Variants in MTRR observed in about 807,000 individuals in gnomAD.
MTRR encodes the protein 5-methyltetrahydrofolate-homocysteine methyltransferase reductase.
A neutral mutation model predicts 79.2 loss-of-function variants in MTRR; 63 were observed. The ratio of observed to expected loss-of-function variants is 0.80; its 90% CI spans 0.65 to 0.98. The LOEUF (loss-of-function observed/expected upper bound fraction) is 0.98, where lower values mean the gene tolerates loss of function less well. Ranked by LOEUF, MTRR falls within the 50% of genes least tolerant of loss-of-function variation. The pLI is 0.00. For synonymous variants in MTRR, 355 were observed against 313.3 expected (o/e 1.13, Z -1.41); for missense variants, 895 against 839.6 (o/e 1.07, Z -0.82).
chr5:7,888,960 C>A, intron 8 of MTRR, 135 bp from the exon 9 acceptor site: 1 of 933,604 alleles, frequency 1.1e-6, no homozygotes. Flanking sequence ...TTCCCTCCTC[C>A]TGACAATAGC....
chr5:7,872,076 T>TA (rs1748085094), intron 2 of MTRR, among the ~76,000 whole-genome samples: 1 of 152,216 alleles, frequency 6.6e-6, no homozygotes, highest in African/African-American at 2.4e-5. Context: ...TAGCTGTTCA[T>TA]AATCTAATAT....
intron 9 of MTRR, 113 bp downstream of exon 9, chr5:7,889,388 C>A: frequency 4.5e-6 from 5 of 1,103,960 alleles, no homozygotes; most frequent in East Asian, 2.5e-5. Flanking sequence ...GTATCCTATG[C>A]CTAAAGAATA....
In MTRR at chr5:7,900,021, A is replaced by C; in HGVS notation, c.2060A>C (p.Lys687Thr). ...LEAMKTLATL[K>T]EEKRYLQDIW... ...GCAATGAAAACCCTGGCCACTTTAA[A>C]AGAAGAAAAACGCTACCTTCAGGAT... The change falls in exon 15 of 15, where the codon AAA (lysine) becomes ACA (threonine). Residue 687 changes from lysine (K) to threonine (T), a missense_variant. Physicochemically the swap from Lys to Thr is moderately conservative, Grantham distance 78. Transcript: ENST00000440940. 6.2e-7 allele frequency: 1 copy of C among 1,614,006 alleles called. No homozygotes were observed. The highest frequency in any genetic ancestry group is 8.5e-7 in the Non-Finnish European group (1 of 1,180,002).
At chr5:7,855,330 AG>A (rs1553995680) in intron 1 of MTRR, among the ~76,000 whole-genome samples, 3 of 150,756 alleles carry the variant, frequency 2.0e-5, no homozygotes, top group African/African-American at 7.5e-5. Context: ...AGATAAAAAA[AG>A]AAAAAAAGCT....
Position 7,897,045 on chromosome 5 carries a change from C to CAT in MTRR, c.1770-19_1770-18dup, listed in dbSNP as rs761948942. ...TCAGCTTGACAACCTTTTAGTGATCCATTATATATTATATTTCAGAAAAGA... is the reference window on the plus strand; with the variant it reads ...TCAGCTTGACAACCTTTTAGTGATCCATATTATATATTATATTTCAGAAAAGA... On this transcript the variant is annotated intron_variant, in intron 13 of 14. Coordinates refer to ENST00000440940, the MANE Select transcript of MTRR (RefSeq NM_002454.3). 1 of 1,612,900 alleles carries CAT rather than the reference C, an allele frequency of 6.2e-7. No homozygotes were observed. The highest frequency in any genetic ancestry group is 8.5e-7 in the Non-Finnish European group (1 of 1,179,070).
intron 1 of MTRR, chr5:7,856,941 T>G (rs1746264274): frequency 6.6e-6 from 1 of 151,748 alleles, no homozygotes; most frequent in South Asian, 2.1e-4. Flanking sequence ...ACCACACTCT[T>G]CCACAGCTCC....
upstream of MTRR, chr5:7,867,318 T>C (rs757470278): frequency 6.2e-7 from 1 of 1,613,948 alleles, no homozygotes; most frequent in East Asian, 2.2e-5. Flanking sequence ...AGGGCCACAA[T>C]ATCCTCCGGG....
Position 7,892,791 on chromosome 5 carries a change from G to A in MTRR, c.1435G>A (p.Ala479Thr), listed in dbSNP as rs1243592502. ...CAACATTGTGGAATTTCTGTCTACT[G>A]CCACAACAGAGGTTCTGCGGAAGGG... ...VFNIVEFLST[A>T]TTEVLRKGVC... Residue 479 changes from alanine (A) to threonine (T), a missense_variant, in exon 11 of 15, where the codon GCC (alanine) becomes ACC (threonine). Transcript: ENST00000440940. The A allele has an allele frequency of 4.3e-6, 7 of 1,614,052 alleles. No individual in the cohort carries two copies. Among genetic ancestry groups the A allele is most frequent in the Admixed American group, 1.7e-5 (1 of 60,002 alleles).
chr5:7,885,982 A>G, intron 7 of MTRR, 128 bp downstream of exon 7: 2 of 1,261,750 alleles, frequency 1.6e-6, no homozygotes, highest in Middle Eastern at 2.2e-4. Context: ...TCAGCTGCGC[A>G]TCAAGGTCTG....
intron 6 of MTRR, among the ~76,000 whole-genome samples, chr5:7,883,772 A>G (rs1049771025): frequency 2.0e-5 from 3 of 152,196 alleles, no homozygotes; most frequent in African/African-American, 7.2e-5. Flanking sequence ...TGAGAGGAAG[A>G]TGCTGGCTTA....
rs1279143782 is a variant in MTRR at position 7,872,799 on chromosome 5, G to A, written c.130-574G>A. Among the ~76,000 whole-genome samples, 4 of 151,978 alleles carry A rather than the reference G, an allele frequency of 2.6e-5. No individual in the cohort carries two copies. The East Asian group carries it at 7.7e-4, about 29-fold the overall frequency. On this transcript the variant is annotated intron_variant, in intron 2 of 14. Transcript: ENST00000440940. ...TTATGTATCAGTTCTCTTTATTTCT[G>A]AGTCTCCCCATCCCCATTTTAACAC... is the stretch of plus-strand genomic sequence containing the variant.
At chr5:7,874,371 A>T (rs1350366936) in intron 3 of MTRR, among the ~76,000 whole-genome samples, 1 of 151,398 alleles carries the variant, frequency 6.6e-6, no homozygotes, top group Non-Finnish European at 1.5e-5. Flanking sequence ...TCAAGAGAGT[A>T]TTTCACAGTA....
At chr5:7,860,681 G>A (rs1746475310) in intron 1 of MTRR, among the ~76,000 whole-genome samples, 1 of 152,204 alleles carries the variant, frequency 6.6e-6, no homozygotes, top group Admixed American at 6.5e-5. Flanking sequence ...AATTAAAATG[G>A]AGCCTGTGCC....
chr5:7,851,325 C>T, exon 1 of MTRR: 1 of 308,530 alleles, frequency 3.2e-6, no homozygotes, highest in Admixed American at 5.1e-5. Flanking sequence ...CCAGCCCGCT[C>T]ACCTTTCCCA....
At chr5:7,860,123 TTTTAC>T (rs1261232575) in intron 1 of MTRR, among the ~76,000 whole-genome samples, 2 of 152,126 alleles carry the variant, frequency 1.3e-5, no homozygotes, top group Admixed American at 1.3e-4. Flanking sequence ...GTAGAGAAGT[TTTTAC>T]TTTATTCTGT....
chr5:7,891,846 T>C (rs1466902050), intron 10 of MTRR, among the ~76,000 whole-genome samples: 2 of 151,982 alleles, frequency 1.3e-5, no homozygotes, highest in Non-Finnish European at 2.9e-5. Flanking sequence ...ATCAAGACCA[T>C]CCTGGCTAAC....
chr5:7,856,284 A>G (rs1461827200), intron 1 of MTRR, among the ~76,000 whole-genome samples: 1 of 152,170 alleles, frequency 6.6e-6, no homozygotes, highest in East Asian at 1.9e-4. Flanking sequence ...TAGATGTTCC[A>G]TTTTATTGCT....
At chr5:7,892,291 T>G (rs1484938288) in intron 10 of MTRR, among the ~76,000 whole-genome samples, 2 of 152,234 alleles carry the variant, frequency 1.3e-5, no homozygotes, top group African/African-American at 4.8e-5. Flanking sequence ...AAAGATGTTT[T>G]TACTTTGAAT....
chr5:7,883,787 A>T (rs937228205), intron 6 of MTRR, among the ~76,000 whole-genome samples: 1 of 152,210 alleles, frequency 6.6e-6, no homozygotes, highest in African/African-American at 2.4e-5. Flanking sequence ...GGCTTACTCA[A>T]TAAGCCATGA....
Sources: gnomAD v4.1 joint callset for allele counts (sites outside exome capture counted in the v4.1 genomes callset) on GRCh38, gnomAD v4.1.1 for gene constraint, MANE v1.5 for transcripts, NCBI Gene and HGNC (gene_info 2026-07-23, HGNC 2026-07-21) for gene names.